COPS4: variants seen among roughly 807,000 people sequenced by gnomAD.
The protein encoded by COPS4 is COP9 signalosome complex subunit 4.
COPS4 carries 8 observed loss-of-function variants against 55.1 expected under a neutral mutation model. The ratio of observed to expected loss-of-function variants is 0.15; its 90% CI spans 0.09 to 0.26. COPS4 has a LOEUF of 0.26. COPS4 is among the 10% of genes least tolerant of loss of function. The probability of loss-of-function intolerance (pLI) is 1.00; values close to 1 mark genes in which losing one functional copy is unlikely to be tolerated. For missense variants in COPS4, 248 were observed against 484.0 expected (o/e 0.51, Z 4.58); for synonymous variants, 185 against 165.7 (o/e 1.12, Z -0.90).
chr4:83,065,162 C>A, intron 7 of COPS4: 2 of 521,134 alleles, frequency 3.8e-6, no homozygotes, highest in South Asian at 5.5e-5. Context: ...AGGGGTAAGC[C>A]ACTGCACCTG....
At chr4:83,056,553 C>T (rs1423519896) in intron 4 of COPS4, among the ~76,000 whole-genome samples, 1 of 152,148 alleles carries the variant, frequency 6.6e-6, no homozygotes, top group African/African-American at 2.4e-5. Flanking sequence ...AATCCCAGCA[C>T]TTTGGGAGGC....
intron 7 of COPS4, among the ~76,000 whole-genome samples, chr4:83,065,847 T>G (rs550106537): frequency 6.6e-6 from 1 of 152,284 alleles, no homozygotes; most frequent in Admixed American, 6.5e-5. Context: ...TAGTAAAAGT[T>G]TATGCTTGTA....
At chr4:83,065,122 C>T (rs1309332205) in intron 7 of COPS4, 3 of 657,690 alleles carry the variant, frequency 4.6e-6, no homozygotes, top group South Asian at 3.3e-5. Context: ...CAGTTCCTCC[C>T]ATCTTGGCTT....
intron 7 of COPS4, among the ~76,000 whole-genome samples, chr4:83,065,497 T>G (rs1442709596): frequency 6.6e-6 from 1 of 152,122 alleles, no homozygotes; most frequent in African/African-American, 2.4e-5. Context: ...GAAAAAGAGG[T>G]TCTCAGAATA....
chr4:83,051,531 A>G (rs986752404), intron 4 of COPS4, among the ~76,000 whole-genome samples: 1 of 152,194 alleles, frequency 6.6e-6, no homozygotes, highest in African/African-American at 2.4e-5. Context: ...GATGGCTTGT[A>G]TGTAGAGTGT....
intron 1 of COPS4, among the ~76,000 whole-genome samples, chr4:83,038,629 TTTG>T (rs945196858): frequency 0.23 from 47 of 204 alleles, 1 homozygote; most frequent in South Asian, 0.5. Context: ...ACCTGTTTTT[TTTG>T]TTTGTTTGTT....
chr4:83,068,385 G>A (rs1192524076), intron 8 of COPS4, 53 bp from the exon 9 acceptor site: 15 of 1,226,692 alleles, frequency 1.2e-5, no homozygotes, highest in Non-Finnish European at 1.7e-5. Flanking sequence ...TTTCATATGT[G>A]AATAACTAAA....
At chr4:83,041,085 TG>T (rs899695102) in intron 1 of COPS4, among the ~76,000 whole-genome samples, 24 of 149,744 alleles carry the variant, frequency 1.6e-4, no homozygotes, top group African/African-American at 5.2e-4. Context: ...TTTTTTGAGA[TG>T]GAATCTCACT....
At chr4:83,064,334 T>TA (rs35993344) in intron 7 of COPS4, among the ~76,000 whole-genome samples, 1 of 151,584 alleles carries the variant, frequency 6.6e-6, no homozygotes, top group African/African-American at 2.4e-5. Flanking sequence ...AAGACCTTGT[T>TA]AAAAAAAAAT....
intron 1 of COPS4, among the ~76,000 whole-genome samples, chr4:83,043,106 A>G (rs1410080107): frequency 2.6e-5 from 4 of 152,170 alleles, no homozygotes; most frequent in Admixed American, 1.3e-4. Flanking sequence ...TAAGGCCTCT[A>G]TAAGTTATAT....
intron 1 of COPS4, among the ~76,000 whole-genome samples, chr4:83,036,284 C>G (rs930500694): frequency 1.3e-5 from 2 of 148,210 alleles, no homozygotes; most frequent in Non-Finnish European, 3.0e-5. Flanking sequence ...CCACCCGTCT[C>G]CGTAAATAAA....
chr4:83,068,564 G>T, intron 9 of COPS4, 42 bp downstream of exon 9: 4 of 1,204,448 alleles, frequency 3.3e-6, no homozygotes, highest in Non-Finnish European at 4.9e-6. Flanking sequence ...AAATAGCAGT[G>T]AACTGTTATA....
At chr4:83,070,163 T>C (rs954680186) in intron 9 of COPS4, among the ~76,000 whole-genome samples, 2 of 152,222 alleles carry the variant, frequency 1.3e-5, no homozygotes, top group African/African-American at 4.8e-5. Context: ...CCAGCTATCC[T>C]TCATAGTCAT....
rs182419215 is a variant in COPS4 at position 83,061,396 on chromosome 4, A to G, written c.716-1680A>G. 3.9e-4 allele frequency among the ~76,000 whole-genome samples: 59 copies of G among 152,270 alleles called. No homozygotes were observed. The East Asian group carries it at 0.01, about 26-fold the overall frequency. Reference sequence around the variant, plus strand: ...CCTACAAGAATAATGACTAGTATATATTAGCCTTCTTATTTTTTTATAAAT... The same window carrying G: ...CCTACAAGAATAATGACTAGTATATGTTAGCCTTCTTATTTTTTTATAAAT... On this transcript the variant is annotated intron_variant, in intron 6 of 9. Coordinates refer to ENST00000264389, the MANE Select transcript of COPS4 (RefSeq NM_016129.3).
intron 4 of COPS4, among the ~76,000 whole-genome samples, chr4:83,055,977 G>A (rs1316741171): frequency 2.9e-4 from 43 of 149,016 alleles, no homozygotes; most frequent in African/African-American, 8.2e-4. Context: ...CACCCAGGCC[G>A]GAGTGCAATG....
At chr4:83,058,828 A>G (rs561291858) in intron 6 of COPS4, among the ~76,000 whole-genome samples, 1 of 152,246 alleles carries the variant, frequency 6.6e-6, no homozygotes, top group Non-Finnish European at 1.5e-5. Context: ...GAGTATATGT[A>G]TAGGTTAACT....
In COPS4 at chr4:83,055,056, C is replaced by T. The variant is rs1320056670; in HGVS notation, c.411-1870C>T. 5.9e-5 allele frequency among the ~76,000 whole-genome samples: 9 copies of T among 152,318 alleles called. 2 individuals are homozygous for T. In the South Asian group the frequency reaches 1.7e-3, roughly 28 times the overall value. ...GAATAAATTTGCATAAATTTCTCCT[C>T]CCATTCTCCTTTGCCCCCAAATCAA... On this transcript the variant is annotated intron_variant, in intron 4 of 9. Coordinates refer to ENST00000264389, the MANE Select transcript of COPS4 (RefSeq NM_016129.3).
intron 1 of COPS4, among the ~76,000 whole-genome samples, chr4:83,040,232 TG>T (rs1730525376): frequency 6.6e-6 from 1 of 152,238 alleles, no homozygotes; most frequent in African/African-American, 2.4e-5. Context: ...GGTCTGTTGC[TG>T]AAACTTTAAA....
At chr4:83,059,959 C>G (rs1198727534) in intron 6 of COPS4, among the ~76,000 whole-genome samples, 1 of 152,050 alleles carries the variant, frequency 6.6e-6, no homozygotes, top group Non-Finnish European at 1.5e-5. Context: ...CCTCCGCCTT[C>G]CAAAGTGCTG....
Sources: gnomAD v4.1 joint callset for allele counts (sites outside exome capture counted in the v4.1 genomes callset) on GRCh38, gnomAD v4.1.1 for gene constraint, MANE v1.5 for transcripts, NCBI Gene and HGNC (gene_info 2026-07-23, HGNC 2026-07-21) for gene names.